The following TBC1D5 variants were observed in gnomAD, a reference collection of about 807,000 sequenced individuals.
TBC1D5 encodes TBC1 domain family member 5, also known as TBC1 domain family, member 5.
TBC1D5 carries 75 observed loss-of-function variants against 100.3 expected under a neutral mutation model. The observed-to-expected ratio is 0.75, with a 90% CI of 0.62 to 0.91. The LOEUF (loss-of-function observed/expected upper bound fraction) is 0.91. TBC1D5 is among the 40% of genes least tolerant of loss of function. The probability of loss-of-function intolerance (pLI) is 0.00; values close to 1 mark genes in which losing one functional copy is unlikely to be tolerated. For missense variants in TBC1D5, 910 were observed against 942.4 expected, an observed-to-expected ratio of 0.97 and a Z score of 0.45; for synonymous variants, 323 against 325.6, an observed-to-expected ratio of 0.99 and a Z score of 0.09.
intron 4 of TBC1D5, among the ~76,000 whole-genome samples, chr3:17,420,571 C>A (rs536850989): frequency 6.6e-6 from 1 of 152,154 alleles, no homozygotes; most frequent in South Asian, 2.1e-4. Flanking sequence ...ACTTATGAAC[C>A]TTAATTCTAT....
chr3:17,558,488 A>G (rs1283791784), intron 2 of TBC1D5, among the ~76,000 whole-genome samples: 1 of 152,210 alleles, frequency 6.6e-6, no homozygotes, highest in African/African-American at 2.4e-5. Flanking sequence ...CAAAAAAATA[A>G]TGAATTTCAA....
At chr3:17,270,697 T>A (rs930056823) in intron 15 of TBC1D5, among the ~76,000 whole-genome samples, 2 of 152,174 alleles carry the variant, frequency 1.3e-5, no homozygotes, top group Non-Finnish European at 2.9e-5. Context: ...CCAAGGCTGA[T>A]GTCCAGAAGA....
At chr3:17,430,604 G>A (rs1474303876) in intron 3 of TBC1D5, among the ~76,000 whole-genome samples, 1 of 151,882 alleles carries the variant, frequency 6.6e-6, no homozygotes, top group East Asian at 1.9e-4. Context: ...AGATTTCAGA[G>A]TTGGCTATAT....
intron 4 of TBC1D5, among the ~76,000 whole-genome samples, chr3:17,408,954 C>A (rs2152466638): frequency 6.6e-6 from 1 of 152,182 alleles, no homozygotes. Flanking sequence ...CTAAATATGT[C>A]CTATTTCCAA....
At chr3:17,620,709 G>A (rs1414070576) in intron 2 of TBC1D5, among the ~76,000 whole-genome samples, 2 of 152,122 alleles carry the variant, frequency 1.3e-5, no homozygotes, top group African/African-American at 4.8e-5. Flanking sequence ...ACAATTTTCT[G>A]AGTATACCTT....
intron 15 of TBC1D5, among the ~76,000 whole-genome samples, chr3:17,283,949 TC>T (rs1278451356): frequency 1.3e-5 from 2 of 152,098 alleles, no homozygotes; most frequent in East Asian, 3.9e-4. Context: ...CTGGAGGTTC[TC>T]GTCTCTATTC....
At chr3:17,364,147 G>C (rs541449501) in intron 13 of TBC1D5, among the ~76,000 whole-genome samples, 1 of 151,648 alleles carries the variant, frequency 6.6e-6, no homozygotes. Context: ...ATTCATGTAT[G>C]TTTTCTACTA....
At chr3:17,707,670 C>CGTTT (rs2074310497) in intron 1 of TBC1D5, among the ~76,000 whole-genome samples, 1 of 152,106 alleles carries the variant, frequency 6.6e-6, no homozygotes, top group Non-Finnish European at 1.5e-5. Context: ...GTGAATTAAG[C>CGTTT]ACAAACTTAA....
At chr3:17,604,337 T>C (rs2061196416) in intron 2 of TBC1D5, among the ~76,000 whole-genome samples, 1 of 152,154 alleles carries the variant, frequency 6.6e-6, no homozygotes, top group Non-Finnish European at 1.5e-5. Context: ...ATCCTTCACA[T>C]TGAAAATAGA....
intron 2 of TBC1D5, among the ~76,000 whole-genome samples, chr3:17,512,016 G>GT (rs2095914680): frequency 6.6e-6 from 1 of 151,580 alleles, no homozygotes; most frequent in African/African-American, 2.4e-5. Flanking sequence ...TTTTTTTATC[G>GT]TTTTGTTTTA....
intron 2 of TBC1D5, among the ~76,000 whole-genome samples, chr3:17,594,846 G>A (rs576747248): frequency 2.0e-5 from 3 of 152,222 alleles, no homozygotes; most frequent in East Asian, 3.9e-4. Context: ...AGGGGTGGAC[G>A]TGTGATGGTT....
intron 1 of TBC1D5, among the ~76,000 whole-genome samples, chr3:17,635,408 TG>T (rs1337321965): frequency 1.3e-5 from 2 of 152,150 alleles, no homozygotes; most frequent in Admixed American, 6.5e-5. Context: ...AGGCTGGGTG[TG>T]GTGTCTCACG....
chr3:17,247,881 A>G (rs2076867412), intron 16 of TBC1D5, among the ~76,000 whole-genome samples: 1 of 152,016 alleles, frequency 6.6e-6, no homozygotes, highest in African/African-American at 2.4e-5. Flanking sequence ...CTCTTCTTCT[A>G]TTACAGTTTT....
intron 8 of TBC1D5, among the ~76,000 whole-genome samples, chr3:17,400,495 T>C (rs934051244): frequency 7.9e-5 from 12 of 152,098 alleles, no homozygotes; most frequent in Admixed American, 7.9e-4. Context: ...ACAAGGAGAC[T>C]TAATCTAAAT....
In TBC1D5 at chr3:17,426,200, A is replaced by G. The variant is rs369913315; in HGVS notation, c.167+2250T>C. On this transcript the variant is annotated intron_variant, in intron 4 of 21. Transcript: ENST00000253692. The stretch of plus-strand genomic sequence containing the variant: ...TAGTTTAAAGAGATATAATGGCAAC[A>G]AAAAATAATTTGCATTTTCAAAAGT... Among the ~76,000 whole-genome samples, 231 of 152,310 alleles carry G rather than the reference A, an allele frequency of 1.5e-3. 6 individuals are homozygous for G. In the South Asian group the frequency reaches 0.046, roughly 30 times the overall value.
At position 17,591,233 on chromosome 3, in the gene TBC1D5, CAAAAAAAAAAAAAAAAAAAAAAAAA is replaced by C. The variant is rs60889092; in HGVS notation, c.-36+32591_-36+32615del. On this transcript the variant is annotated intron_variant, in intron 2 of 21. Coordinates refer to ENST00000253692, the Ensembl canonical transcript of TBC1D5. ...ACTGGGCTACAAAGAAAGGATCTGT[CAAAAAAAAAAAAAAAAAAAAAAAAA>C]AAAAAAAACAAAAACCCCAGAGAAT... Among the ~76,000 whole-genome samples the C allele has an allele frequency of 3.8e-4, 7 of 18,666 alleles. No individual in the cohort carries two copies. The South Asian group carries it at 0.016, about 42-fold the overall frequency. 12.2% of individuals were successfully genotyped at this position (18,666 alleles called of 152,430 possible).
chr3:17,543,727 A>T (rs1166757013), intron 2 of TBC1D5, among the ~76,000 whole-genome samples: 1 of 152,202 alleles, frequency 6.6e-6, no homozygotes, highest in Non-Finnish European at 1.5e-5. Context: ...ATTAGGTATT[A>T]TGCCTATATT....
intron 3 of TBC1D5, among the ~76,000 whole-genome samples, chr3:17,431,001 C>T (rs751836463): frequency 6.6e-6 from 1 of 151,760 alleles, no homozygotes; most frequent in Non-Finnish European, 1.5e-5. Context: ...AAACAACTTC[C>T]GCCAGTTTGG....
At chr3:17,418,484 T>C (rs920887615) in intron 4 of TBC1D5, among the ~76,000 whole-genome samples, 1 of 152,044 alleles carries the variant, frequency 6.6e-6, no homozygotes, top group Non-Finnish European at 1.5e-5. Flanking sequence ...GGTGCACACC[T>C]GTAATCCCAG....
Sources: allele counts gnomAD v4.1 joint callset (sites outside exome capture counted in the v4.1 genomes callset), GRCh38; gene constraint gnomAD v4.1.1; transcripts MANE v1.5; gene names NCBI Gene and HGNC (gene_info 2026-07-23, HGNC 2026-07-21).